The following NCKAP5 variants were observed in gnomAD, a reference collection of about 807,000 sequenced individuals.
NCKAP5 encodes the protein NCK associated protein 5.
Under a neutral mutation model 167.0 loss-of-function variants are expected in NCKAP5, and 92 were observed. The observed-to-expected ratio is 0.55, with a 90% CI of 0.47 to 0.66. The LOEUF (loss-of-function observed/expected upper bound fraction) is 0.66, where lower values mean the gene tolerates loss of function less well. Among genes scored for constraint, NCKAP5 ranks in the 30% least tolerant of loss-of-function variants. NCKAP5 has a pLI of 0.00. For missense variants in NCKAP5, 2,378 were observed against 2,315.0 expected (o/e 1.03, Z -0.56); for synonymous variants, 891 against 877.4 (o/e 1.02, Z -0.27).
intron 8 of NCKAP5, among the ~76,000 whole-genome samples, chr2:132,921,837 A>G (rs1695458464): frequency 6.6e-6 from 1 of 152,168 alleles, no homozygotes; most frequent in Admixed American, 6.5e-5. Context: ...CCAGGTGGGA[A>G]TGTAATGCAG....
rs1686799518 is a variant in NCKAP5, at chr2:132,692,103, T to A, written c.5714-18798A>T. Among the ~76,000 whole-genome samples the A allele has an allele frequency of 2.1e-5, 3 of 146,256 alleles. No individual in the cohort carries two copies. In the South Asian group the frequency reaches 6.6e-4, roughly 32 times the overall value. On this transcript the variant is annotated intron_variant, in intron 19 of 19. Coordinates refer to ENST00000409261, the MANE Select transcript of NCKAP5 (RefSeq NM_207363.3). ...CTCATTATATCCCATCTATGAAGCC[T>A]GCTTGATTTTATTTTATTTTATTTT...
intron 6 of NCKAP5, among the ~76,000 whole-genome samples, chr2:133,124,947 G>A (rs7585526): frequency 0.15 from 22,642 of 152,126 alleles, 1,964 homozygotes; most frequent in East Asian, 0.37. Context: ...TTGGGAGGCT[G>A]AGGTGTGAGG....
At chr2:133,028,024 A>G (rs889163179) in intron 6 of NCKAP5, among the ~76,000 whole-genome samples, 2 of 152,336 alleles carry the variant, frequency 1.3e-5, no homozygotes, top group South Asian at 2.1e-4. Context: ...TGCAAAGGAA[A>G]TGCTCATTGG....
intron 8 of NCKAP5, among the ~76,000 whole-genome samples, chr2:132,946,901 A>G (rs933759593): frequency 2.0e-5 from 3 of 152,208 alleles, no homozygotes; most frequent in East Asian, 1.9e-4. Context: ...TTGTCTCAAA[A>G]TAAAAAAGTT....
intron 4 of NCKAP5, among the ~76,000 whole-genome samples, chr2:133,300,526 A>G (rs1680311992): frequency 1.5e-5 from 2 of 129,376 alleles, no homozygotes; most frequent in South Asian, 5.5e-4. Flanking sequence ...AAAGACAAAA[A>G]CCACATGATT....
At chr2:133,149,921 A>G (rs570497659) in intron 5 of NCKAP5, among the ~76,000 whole-genome samples, 3 of 152,054 alleles carry the variant, frequency 2.0e-5, no homozygotes, top group African/African-American at 4.8e-5. Context: ...TGCTGTCTCC[A>G]CTCCATTCTT....
the NCKAP5 span, among the ~76,000 whole-genome samples, chr2:133,660,958 A>G: frequency 6.6e-6 from 1 of 150,880 alleles, no homozygotes; most frequent in Non-Finnish European, 1.5e-5. Flanking sequence ...AGGCTTGCAA[A>G]AAAAAAAAAA....
At chr2:132,961,816 A>C (rs2076518608) in intron 8 of NCKAP5, among the ~76,000 whole-genome samples, 1 of 152,198 alleles carries the variant, frequency 6.6e-6, no homozygotes, top group South Asian at 2.1e-4. Context: ...AAAACTAACA[A>C]TTTAAGTACA....
intron 4 of NCKAP5, among the ~76,000 whole-genome samples, chr2:133,229,702 C>A (rs944380558): frequency 2.6e-5 from 4 of 152,130 alleles, no homozygotes; most frequent in African/African-American, 9.7e-5. Context: ...GCACTCTTGG[C>A]ACCAAAGTCC....
intron 7 of NCKAP5, among the ~76,000 whole-genome samples, chr2:132,988,776 C>A (rs563141923): frequency 1.3e-5 from 2 of 152,258 alleles, no homozygotes; most frequent in Admixed American, 1.3e-4. Flanking sequence ...GTATTTATTT[C>A]TTTATCAAAA....
chr2:132,678,804 T>A (rs936103803), intron 19 of NCKAP5, among the ~76,000 whole-genome samples: 1 of 152,168 alleles, frequency 6.6e-6, no homozygotes, highest in African/African-American at 2.4e-5. Context: ...GGACTTGGGA[T>A]CTTAATCACT....
intron 7 of NCKAP5, among the ~76,000 whole-genome samples, chr2:132,969,760 TG>T (rs145243323): frequency 0.026 from 3,897 of 152,280 alleles, 154 homozygotes; most frequent in African/African-American, 0.087. Context: ...AAAGCTGCTC[TG>T]ATGTAACGCC....
intron 3 of NCKAP5, among the ~76,000 whole-genome samples, chr2:133,375,040 G>A (rs1028037131): frequency 9.2e-5 from 14 of 152,146 alleles, no homozygotes; most frequent in Non-Finnish European, 1.8e-4. Context: ...CTTACAATGG[G>A]GAAGCACTGC....
chr2:133,223,484 G>A (rs921703641), intron 4 of NCKAP5, among the ~76,000 whole-genome samples: 2 of 152,110 alleles, frequency 1.3e-5, no homozygotes, highest in Admixed American at 6.5e-5. Context: ...GGAGACCAGC[G>A]ACGGCAGTCC....
chr2:133,204,197 TATTTTTA>T (rs1439943687), intron 5 of NCKAP5, among the ~76,000 whole-genome samples: 1 of 152,222 alleles, frequency 6.6e-6, no homozygotes. Context: ...ATTATGGTTT[TATTTTTA>T]ATTTCAGCAT....
chr2:133,394,010 T>C (rs1687586428), intron 3 of NCKAP5, among the ~76,000 whole-genome samples: 4 of 152,232 alleles, frequency 2.6e-5, no homozygotes, highest in Admixed American at 2.0e-4. Context: ...ATTCACCACT[T>C]ACTTTGTAAC....
chr2:133,034,715 T>C (rs146201125), intron 6 of NCKAP5, among the ~76,000 whole-genome samples: 25 of 152,114 alleles, frequency 1.6e-4, no homozygotes, highest in African/African-American at 6.0e-4. Context: ...TAGTTGGTTA[T>C]AAATAGTATT....
chr2:133,213,695 G>A (rs752442599), intron 5 of NCKAP5, 21 bp downstream of exon 5: 3 of 1,612,860 alleles, frequency 1.9e-6, no homozygotes, highest in South Asian at 2.2e-5. Flanking sequence ...GTGGAATGAG[G>A]GGACGGCAGT....
At chr2:133,320,035 C>T (rs1681916064) in intron 3 of NCKAP5, among the ~76,000 whole-genome samples, 1 of 152,096 alleles carries the variant, frequency 6.6e-6, no homozygotes, top group African/African-American at 2.4e-5. Context: ...CCAACTGCAA[C>T]AAGGGATGGG....
Sources: allele counts gnomAD v4.1 joint callset (sites outside exome capture counted in the v4.1 genomes callset), GRCh38; gene constraint gnomAD v4.1.1; transcripts MANE v1.5; gene names NCBI Gene and HGNC (gene_info 2026-07-23, HGNC 2026-07-21).